The following FRMD4A variants were observed in gnomAD, a reference collection of about 807,000 sequenced individuals.
FRMD4A encodes the protein FERM domain-containing protein 4A.
In FRMD4A, 29 loss-of-function variants were observed where a neutral mutation model predicts 129.1. That is an observed-to-expected ratio of 0.22 (90% CI 0.17 to 0.31). The LOEUF (loss-of-function observed/expected upper bound fraction) is 0.31. FRMD4A is among the 10% of genes least tolerant of loss of function. FRMD4A has a pLI of 1.00. For missense variants in FRMD4A, 1,272 were observed against 1,375.8 expected (o/e 0.92, Z 1.19); for synonymous variants, 634 against 571.6 (o/e 1.11, Z -1.56).
In FRMD4A at chr10:14,168,221, C is replaced by T. The variant is rs975093437; in HGVS notation, c.45+161837G>A. 2.0e-5 allele frequency among the ~76,000 whole-genome samples: 3 copies of T among 152,126 alleles called. No individual in the cohort carries two copies. The South Asian group carries it at 6.2e-4, about 32-fold the overall frequency. ...GGTGTGCTGGTAAATGACTAACAACCGGTTCTGGGGTGGAAGTGGTTAATT... is the reference window on the plus strand; with the variant it reads ...GGTGTGCTGGTAAATGACTAACAACTGGTTCTGGGGTGGAAGTGGTTAATT... On this transcript the variant is annotated intron_variant, in intron 2 of 24. Coordinates refer to ENST00000357447, the MANE Select transcript of FRMD4A (RefSeq NM_018027.5).
At chr10:14,318,157 A>G (rs1846818447) in intron 2 of FRMD4A, among the ~76,000 whole-genome samples, 1 of 152,160 alleles carries the variant, frequency 6.6e-6, no homozygotes, top group Admixed American at 6.5e-5. Context: ...AATATTAATG[A>G]CCAACTAGGT....
chr10:13,947,567 A>G (rs1191043900), intron 2 of FRMD4A, among the ~76,000 whole-genome samples: 1 of 151,898 alleles, frequency 6.6e-6, no homozygotes, highest in East Asian at 1.9e-4. Context: ...ATCATTTATA[A>G]AAGAGACACA....
intron 2 of FRMD4A, among the ~76,000 whole-genome samples, chr10:13,883,340 A>G (rs1342831232): frequency 6.6e-6 from 1 of 152,002 alleles, no homozygotes; most frequent in Admixed American, 6.5e-5. Flanking sequence ...AAATACAAAA[A>G]AATTAGCTGG....
At chr10:14,122,354 A>G (rs1838575003) in intron 2 of FRMD4A, among the ~76,000 whole-genome samples, 1 of 152,200 alleles carries the variant, frequency 6.6e-6, no homozygotes, top group Non-Finnish European at 1.5e-5. Context: ...AACGTTTTTA[A>G]TTGACAAATA....
chr10:14,180,682 G>T (rs1477262260), intron 2 of FRMD4A, among the ~76,000 whole-genome samples: 1 of 152,230 alleles, frequency 6.6e-6, no homozygotes, highest in Non-Finnish European at 1.5e-5. Context: ...CCTAATCCAA[G>T]ATGAGAGTTC....
At chr10:13,823,143 C>T (rs1313662925) in intron 3 of FRMD4A, among the ~76,000 whole-genome samples, 1 of 152,158 alleles carries the variant, frequency 6.6e-6, no homozygotes, top group Non-Finnish European at 1.5e-5. Flanking sequence ...GAATGATGCC[C>T]AATGGGAAGG....
At chr10:13,789,250 C>G (rs950435310) in intron 5 of FRMD4A, among the ~76,000 whole-genome samples, 3 of 152,202 alleles carry the variant, frequency 2.0e-5, no homozygotes, top group South Asian at 4.2e-4. Flanking sequence ...ATTGTTATTG[C>G]GAGTGACAGG....
chr10:13,666,359 G>T, intron 17 of FRMD4A, 34 bp from the exon 18 acceptor site: 2 of 1,466,322 alleles, frequency 1.4e-6, no homozygotes. Flanking sequence ...TGGGTTACTG[G>T]GGATGCTGAG....
intron 15 of FRMD4A, 197 bp downstream of exon 15, chr10:13,693,701 T>TC (rs1491163538): frequency 7.1e-6 from 5 of 700,292 alleles, no homozygotes; most frequent in African/African-American, 5.4e-5. Context: ...TTTTTTTTTT[T>TC]CCCTTCCACT....
At chr10:13,766,072 G>A (rs559528091) in intron 6 of FRMD4A, among the ~76,000 whole-genome samples, 3 of 152,318 alleles carry the variant, frequency 2.0e-5, no homozygotes, top group East Asian at 1.9e-4. Flanking sequence ...TGATTCATCC[G>A]CTAAACGAAG....
chr10:13,771,564 T>C (rs2092454661), intron 6 of FRMD4A, among the ~76,000 whole-genome samples: 1 of 152,180 alleles, frequency 6.6e-6, no homozygotes, highest in South Asian at 2.1e-4. Context: ...AAAATAATTT[T>C]CTGAGCATCG....
intron 2 of FRMD4A, among the ~76,000 whole-genome samples, chr10:14,259,793 T>C (rs1439666729): frequency 1.3e-5 from 2 of 152,250 alleles, no homozygotes; most frequent in South Asian, 2.1e-4. Flanking sequence ...ACACGGCTCA[T>C]TGTCATCATG....
At chr10:13,850,447 C>A (rs531251528) in intron 3 of FRMD4A, among the ~76,000 whole-genome samples, 2 of 152,318 alleles carry the variant, frequency 1.3e-5, no homozygotes, top group East Asian at 1.9e-4. Flanking sequence ...TCATCCACTG[C>A]TGTGGAAGTG....
At chr10:13,880,973 C>G (rs993472250) in intron 2 of FRMD4A, among the ~76,000 whole-genome samples, 1 of 152,060 alleles carries the variant, frequency 6.6e-6, no homozygotes, top group African/African-American at 2.4e-5. Context: ...TTTCTCACTG[C>G]CACATTCCTG....
chr10:13,819,083 G>A (rs538435255), intron 3 of FRMD4A, among the ~76,000 whole-genome samples: 6 of 151,936 alleles, frequency 3.9e-5, no homozygotes, highest in African/African-American at 9.7e-5. Context: ...AGCCGAGATC[G>A]CACCACTACC....
At chr10:13,917,293 T>G (rs1225323154) in intron 2 of FRMD4A, among the ~76,000 whole-genome samples, 2 of 151,398 alleles carry the variant, frequency 1.3e-5, no homozygotes, top group Non-Finnish European at 2.9e-5. Flanking sequence ...GATTTTTTTT[T>G]TTTTTTTGAG....
At chr10:14,126,169 CTT>C (rs55649566) in intron 2 of FRMD4A, among the ~76,000 whole-genome samples, 3,568 of 122,264 alleles carry the variant, frequency 0.029, 97 homozygotes, top group African/African-American at 0.092. Context: ...ACCTTGCCCA[CTT>C]TTTTTTTTTT....
At chr10:14,299,356 T>G (rs1846110825) in intron 2 of FRMD4A, among the ~76,000 whole-genome samples, 1 of 152,096 alleles carries the variant, frequency 6.6e-6, no homozygotes, top group Admixed American at 6.5e-5. Flanking sequence ...GAGAAGCTAT[T>G]GAGTAGGAGC....
At chr10:14,152,699 G>A (rs1325917515) in intron 2 of FRMD4A, among the ~76,000 whole-genome samples, 1 of 152,112 alleles carries the variant, frequency 6.6e-6, no homozygotes, top group African/African-American at 2.4e-5. Context: ...AATTAGCTGG[G>A]CATGGTGGTA....
Sources: allele counts gnomAD v4.1 joint callset (sites outside exome capture counted in the v4.1 genomes callset), GRCh38; gene constraint gnomAD v4.1.1; transcripts MANE v1.5; gene names NCBI Gene and HGNC (gene_info 2026-07-23, HGNC 2026-07-21).